Variants in MAGI2 observed in about 807,000 individuals in gnomAD.
MAGI2 encodes membrane associated guanylate kinase, WW and PDZ domain containing 2, also known as membrane-associated guanylate kinase, WW and PDZ domain-containing protein 2.
Under a neutral mutation model 133.3 loss-of-function variants are expected in MAGI2, and 35 were observed. The observed-to-expected ratio is 0.26, with a 90% confidence interval of 0.20 to 0.35. MAGI2 has a LOEUF of 0.35. Ranked by LOEUF, MAGI2 falls within the 10% of genes least tolerant of loss-of-function variation. MAGI2 has a pLI of 1.00. For synonymous variants in MAGI2, 729 were observed against 710.6 expected (o/e 1.03, Z -0.41); for missense variants, 1,636 against 1,863.4 (o/e 0.88, Z 2.25).
At position 78,345,961 on chromosome 7, in the gene MAGI2, C is replaced by G; in HGVS notation, c.1186G>C (p.Glu396Gln). ...KLQQHNMPHTELGTKPLQAPG... is the reference protein window; with the variant it reads ...KLQQHNMPHTQLGTKPLQAPG... ...GCCTGCAGGGGCTTTGTTCCAAGTTCTGTGTGGGGCATGTTATGTTGCTGT... is the reference window on the plus strand; with the variant it reads ...GCCTGCAGGGGCTTTGTTCCAAGTTGTGTGTGGGGCATGTTATGTTGCTGT... The change falls in exon 8 of 22, where the codon GAA (glutamate) becomes CAA (glutamine). Residue 396 changes from glutamate to glutamine, a missense_variant. Physicochemically the swap from Glu to Gln is conservative, Grantham distance 29. This residue lies in a region of MAGI2 where 920 missense variants were observed against 1,093.5 expected (regional missense o/e 0.84). Coordinates refer to ENST00000354212, the MANE Select transcript of MAGI2 (RefSeq NM_012301.4). 1 of 1,614,168 alleles carries G rather than the reference C, an allele frequency of 6.2e-7. No homozygotes were observed. Among genetic ancestry groups the G allele is most frequent in the South Asian group, 1.1e-5 (1 of 91,078 alleles).
rs575167449 is a variant in MAGI2 at position 79,436,588 on chromosome 7, A to T, written c.301+16432T>A. Among the ~76,000 whole-genome samples, 3 of 152,312 alleles carry T rather than the reference A, an allele frequency of 2.0e-5. No individual in the cohort carries two copies. In the East Asian group the frequency reaches 5.8e-4, roughly 29 times the overall value. Reference sequence around the variant, plus strand: ...AAAAATAAACAAGTGGTCAAAAAACATATTAAAATACTGAGCATGACTAAT... The same window carrying T: ...AAAAATAAACAAGTGGTCAAAAAACTTATTAAAATACTGAGCATGACTAAT... On this transcript the variant is annotated intron_variant, in intron 1 of 21. Transcript: ENST00000354212.
rs71085522 is a variant in MAGI2, at chr7:78,324,170, CACACTACACTACACT to C, written c.1408+19593_1408+19607del. On this transcript the variant is annotated intron_variant, in intron 9 of 21. Coordinates refer to ENST00000354212, the MANE Select transcript of MAGI2 (RefSeq NM_012301.4). ...CTACACTACACACTACACTACACTA[CACACTACACTACACT>C]ACACTACACTACACTACACTACACT... Among the ~76,000 whole-genome samples the C allele has an allele frequency of 4.5e-3, 575 of 127,280 alleles. 5 individuals are homozygous for C. The highest frequency in any genetic ancestry group is 5.4e-3 in the Non-Finnish European group (337 of 62,470). The allele number at this position is 127,280 out of a possible 152,430, so 83.5% of individuals were successfully genotyped here.
At chr7:78,338,230 T>A (rs1467799792) in intron 9 of MAGI2, among the ~76,000 whole-genome samples, 1 of 152,134 alleles carries the variant, frequency 6.6e-6, no homozygotes, top group African/African-American at 2.4e-5. Flanking sequence ...ACACTGAAGG[T>A]GAAACATTAA....
chr7:78,645,422 T>C (rs768181022), intron 2 of MAGI2, among the ~76,000 whole-genome samples: 42 of 152,128 alleles, frequency 2.8e-4, no homozygotes, highest in African/African-American at 6.0e-4. Flanking sequence ...TTTTAGCAAA[T>C]TGAATGGAAC....
rs535716761 is a variant in MAGI2, at chr7:79,003,204, G to C, written c.418+3886C>G. On this transcript the variant is annotated intron_variant, in intron 2 of 21. Coordinates refer to ENST00000354212, the MANE Select transcript of MAGI2 (RefSeq NM_012301.4). ...TATATGTGTGTATGTAGCAGGTGGT[G>C]GGGGGGAGGTCTTTGGAGCCCTAGC... Among the ~76,000 whole-genome samples the C allele has an allele frequency of 1.3e-4, 19 of 151,582 alleles. No individual in the cohort carries two copies. In the South Asian group the frequency reaches 2.9e-3, roughly 23 times the overall value.
At chr7:79,113,864 A>G (rs778039213) in intron 1 of MAGI2, among the ~76,000 whole-genome samples, 1 of 151,916 alleles carries the variant, frequency 6.6e-6, no homozygotes, top group Non-Finnish European at 1.5e-5. Context: ...TCATCAGGGA[A>G]CTTACCTTAA....
intron 1 of MAGI2, among the ~76,000 whole-genome samples, chr7:79,074,140 T>C (rs1306724645): frequency 1.3e-5 from 2 of 152,206 alleles, no homozygotes; most frequent in Non-Finnish European, 2.9e-5. Flanking sequence ...TTTGTCATTT[T>C]ACCTTGTTGC....
chr7:79,322,522 A>G (rs1457025871), intron 1 of MAGI2, among the ~76,000 whole-genome samples: 1 of 152,280 alleles, frequency 6.6e-6, no homozygotes, highest in South Asian at 2.1e-4. Flanking sequence ...AATGAAAAAA[A>G]AAAATTAGGG....
intron 1 of MAGI2, among the ~76,000 whole-genome samples, chr7:79,385,786 G>A (rs913813777): frequency 6.6e-6 from 1 of 151,894 alleles, no homozygotes; most frequent in African/African-American, 2.4e-5. Flanking sequence ...GAGGACTAAA[G>A]TTAATACAAT....
At chr7:78,395,496 A>G (rs899102467) in intron 6 of MAGI2, among the ~76,000 whole-genome samples, 2 of 152,112 alleles carry the variant, frequency 1.3e-5, no homozygotes. Flanking sequence ...TCCACCAGTA[A>G]TCAGCCATTT....
intron 3 of MAGI2, among the ~76,000 whole-genome samples, chr7:78,556,515 A>G (rs1228343986): frequency 2.6e-5 from 4 of 152,234 alleles, no homozygotes; most frequent in Non-Finnish European, 5.9e-5. Context: ...GCTTAAAAGA[A>G]CCTTGTAGGA....
At chr7:79,159,508 A>G (rs925870918) in intron 1 of MAGI2, among the ~76,000 whole-genome samples, 17 of 108,960 alleles carry the variant, frequency 1.6e-4, no homozygotes, top group Non-Finnish European at 3.4e-4. Flanking sequence ...ACAGAGTGAG[A>G]CTCAGTCTCA....
At chr7:78,346,942 T>C (rs1790976169) in intron 7 of MAGI2, among the ~76,000 whole-genome samples, 1 of 152,194 alleles carries the variant, frequency 6.6e-6, no homozygotes, top group South Asian at 2.1e-4. Flanking sequence ...AGTACTTAAC[T>C]CTTGGCCAGT....
chr7:78,611,516 G>A lies in MAGI2; in HGVS notation c.538+15604C>T, dbSNP rs1806436438. On this transcript the variant is annotated intron_variant, in intron 3 of 21. Transcript: ENST00000354212. ...TCCCTACCAAAGCCTTGGTTAACTG[G>A]AGCACTGAGACTTTTTACTATCTTC... 2.0e-5 allele frequency among the ~76,000 whole-genome samples: 3 copies of A among 152,132 alleles called. 1 individual carries two copies. The South Asian group carries it at 6.2e-4, about 31-fold the overall frequency.
intron 10 of MAGI2, among the ~76,000 whole-genome samples, chr7:78,217,126 T>C (rs1788349831): frequency 6.6e-6 from 1 of 152,240 alleles, no homozygotes; most frequent in South Asian, 2.1e-4. Flanking sequence ...ACCTCTGGAA[T>C]GGCCCTATGT....
At chr7:79,169,043 T>C (rs930723724) in intron 1 of MAGI2, among the ~76,000 whole-genome samples, 1 of 151,914 alleles carries the variant, frequency 6.6e-6, no homozygotes, top group African/African-American at 2.4e-5. Flanking sequence ...AATCAGCATT[T>C]CACTGGGGTT....
chr7:78,680,665 T>C (rs1267470508), intron 2 of MAGI2, among the ~76,000 whole-genome samples: 1 of 152,198 alleles, frequency 6.6e-6, no homozygotes, highest in African/African-American at 2.4e-5. Context: ...TTTAAACACT[T>C]TGATTTGTAA....
intron 2 of MAGI2, among the ~76,000 whole-genome samples, chr7:78,681,269 T>C (rs142013817): frequency 2.4e-4 from 36 of 152,202 alleles, no homozygotes; most frequent in African/African-American, 7.5e-4. Flanking sequence ...CCAGAACCAA[T>C]CAGTTTGTAT....
intron 4 of MAGI2, among the ~76,000 whole-genome samples, chr7:78,508,451 T>A (rs998265449): frequency 1.3e-5 from 2 of 152,238 alleles, no homozygotes; most frequent in African/African-American, 4.8e-5. Context: ...AGATAATATA[T>A]CTTTCTTCTG....
Sources: allele counts gnomAD v4.1 joint callset (sites outside exome capture counted in the v4.1 genomes callset), GRCh38; gene constraint gnomAD v4.1.1; regional missense constraint gnomAD v4.1.1; transcripts MANE v1.5; gene names NCBI Gene and HGNC (gene_info 2026-07-23, HGNC 2026-07-21).